The following DOCK3 variants were observed in gnomAD, a reference collection of about 807,000 sequenced individuals.
The protein encoded by DOCK3 is dedicator of cytokinesis protein 3.
In DOCK3, 60 loss-of-function variants were observed where a neutral mutation model predicts 265.6. The observed-to-expected ratio is 0.23, with a 90% confidence interval of 0.18 to 0.28. DOCK3 has a LOEUF of 0.28. Among genes scored for constraint, DOCK3 ranks in the 10% least tolerant of loss-of-function variants. DOCK3 has a pLI of 1.00. For synonymous variants in DOCK3, 881 were observed against 938.0 expected (o/e 0.94, Z 1.11); for missense variants, 1,981 against 2,594.3 (o/e 0.76, Z 5.14).
intron 5 of DOCK3, among the ~76,000 whole-genome samples, chr3:51,022,039 A>G (rs537157851): frequency 9.2e-5 from 14 of 152,348 alleles, no homozygotes; most frequent in Non-Finnish European, 1.9e-4. Context: ...TTTCTCAGAA[A>G]TGTTTTAGTT....
Position 50,707,914 on chromosome 3 carries a change from T to C in DOCK3, c.37+32614T>C, listed in dbSNP as rs533567095. On this transcript the variant is annotated intron_variant, in intron 1 of 52. Transcript: ENST00000266037. ...AGGTGGGGTATGTGTGTTGTGGTGG[T>C]GGTGCAGTCTTGGCATGTTGATCCC... 5.5e-3 allele frequency among the ~76,000 whole-genome samples: 840 copies of C among 152,186 alleles called. 2 individuals carry two copies. Among genetic ancestry groups the C allele is most frequent in the Admixed American group, 9.6e-3 (147 of 15,282 alleles).
At chr3:51,025,819 G>T (rs2079790035) in intron 5 of DOCK3, among the ~76,000 whole-genome samples, 1 of 152,130 alleles carries the variant, frequency 6.6e-6, no homozygotes, top group African/African-American at 2.4e-5. Context: ...TATATTTTAT[G>T]CCACTTTCTA....
intron 4 of DOCK3, among the ~76,000 whole-genome samples, chr3:50,893,951 C>G (rs1311489889): frequency 7.9e-6 from 1 of 126,552 alleles, no homozygotes; most frequent in Non-Finnish European, 1.6e-5. Context: ...GGAAGGGGAA[C>G]ATCACACACC....
At chr3:50,922,594 C>T (rs984246926) in intron 4 of DOCK3, among the ~76,000 whole-genome samples, 1 of 152,182 alleles carries the variant, frequency 6.6e-6, no homozygotes, top group Non-Finnish European at 1.5e-5. Context: ...ATTGGAAATG[C>T]AGAAATCACC....
intron 2 of DOCK3, among the ~76,000 whole-genome samples, chr3:50,781,359 C>T (rs536957120): frequency 1.3e-5 from 2 of 150,630 alleles, no homozygotes; most frequent in East Asian, 3.9e-4. Context: ...CCTCGACCTC[C>T]TTGGGCTTAG....
intron 5 of DOCK3, among the ~76,000 whole-genome samples, chr3:50,986,370 T>C (rs1401625618): frequency 6.6e-6 from 1 of 152,242 alleles, no homozygotes; most frequent in African/African-American, 2.4e-5. Flanking sequence ...GCCTGTGACA[T>C]ACTTCTCCAA....
At chr3:50,970,720 A>T (rs1226527249) in intron 5 of DOCK3, among the ~76,000 whole-genome samples, 5 of 134,336 alleles carry the variant, frequency 3.7e-5, no homozygotes, top group South Asian at 2.3e-4. Context: ...CTTAGATCTC[A>T]TTGAGCCTTT....
chr3:50,691,140 C>G (rs1327951585), intron 1 of DOCK3, among the ~76,000 whole-genome samples: 2 of 151,662 alleles, frequency 1.3e-5, no homozygotes, highest in Non-Finnish European at 1.5e-5. Flanking sequence ...AAAAATTAGC[C>G]AGGTGTGGTG....
chr3:51,260,400 TC>T, intron 23 of DOCK3, 74 bp downstream of exon 23: 1 of 1,475,008 alleles, frequency 6.8e-7, no homozygotes, highest in Non-Finnish European at 9.0e-7. Flanking sequence ...CCTCTGGTTT[TC>T]AGAGATGAAG....
chr3:51,272,047 A>G (rs574248130), intron 24 of DOCK3, among the ~76,000 whole-genome samples: 1 of 152,286 alleles, frequency 6.6e-6, no homozygotes, highest in Non-Finnish European at 1.5e-5. Context: ...TCTGTCTTTC[A>G]CAAAGAACTT....
At chr3:51,369,196 A>G (rs901751117) in intron 49 of DOCK3, among the ~76,000 whole-genome samples, 1 of 152,264 alleles carries the variant, frequency 6.6e-6, no homozygotes, top group African/African-American at 2.4e-5. Context: ...AATGACTTTG[A>G]CAAGTTGAGA....
rs891047159 is a variant in DOCK3, at chr3:50,946,788, C to T, written c.315+12711C>T. 3.3e-5 allele frequency among the ~76,000 whole-genome samples: 5 copies of T among 152,190 alleles called. No individual in the cohort carries two copies. The East Asian group carries it at 5.8e-4, about 18-fold the overall frequency. On this transcript the variant is annotated intron_variant, in intron 5 of 52. Coordinates refer to ENST00000266037, the MANE Select transcript of DOCK3 (RefSeq NM_004947.5). ...GCATGCTCATTAGCCCATCGTCCTT[C>T]ATCCTTCTCTCTTTTTAGTTTTGGG...
At chr3:51,233,399 T>C (rs2078221527) in intron 19 of DOCK3, among the ~76,000 whole-genome samples, 1 of 151,976 alleles carries the variant, frequency 6.6e-6, no homozygotes, top group African/African-American at 2.4e-5. Flanking sequence ...GGAGTCTTCC[T>C]CTGTTGCCCA....
intron 5 of DOCK3, among the ~76,000 whole-genome samples, chr3:51,031,350 C>A (rs1364506481): frequency 6.6e-6 from 1 of 152,022 alleles, no homozygotes; most frequent in East Asian, 1.9e-4. Flanking sequence ...AAACTCTGGC[C>A]CATGATTATA....
At chr3:50,824,355 C>G (rs575894913) in intron 2 of DOCK3, among the ~76,000 whole-genome samples, 1 of 152,090 alleles carries the variant, frequency 6.6e-6, no homozygotes, top group Non-Finnish European at 1.5e-5. Flanking sequence ...GAAAAAGAAG[C>G]CTCAGGGTTT....
Position 51,354,892 on chromosome 3 carries a change from A to T in DOCK3, c.4118A>T (p.Tyr1373Phe). Residue 1373 changes from tyrosine to phenylalanine, a missense_variant, in exon 41 of 53, where the codon TAC (tyrosine) becomes TTC (phenylalanine). Tyr to Phe is a conservative substitution (Grantham distance 22, BLOSUM62 3). This residue lies in a region of DOCK3 where 1,357 missense variants were observed against 1,866.8 expected (regional missense o/e 0.73). Coordinates refer to ENST00000266037, the MANE Select transcript of DOCK3 (RefSeq NM_004947.5). ...KFPFFLRNKE[Y>F]VCRGHDYERL... ...TTCTGTTTGTGGCAGAACAAAGAAT[A>T]CGTGTGCCGTGGCCATGACTACGAG... 3.1e-6 allele frequency: 5 copies of T among 1,613,692 alleles called. No individual in the cohort carries two copies. Among genetic ancestry groups the T allele is most frequent in the Non-Finnish European group, 3.4e-6 (4 of 1,179,774 alleles).
intron 1 of DOCK3, among the ~76,000 whole-genome samples, chr3:50,707,775 T>C (rs921096233): frequency 3.9e-5 from 6 of 152,028 alleles, no homozygotes; most frequent in African/African-American, 1.4e-4. Context: ...CTGGGTGGTG[T>C]GCATGATGTT....
At chr3:50,902,214 T>A (rs532324441) in intron 4 of DOCK3, among the ~76,000 whole-genome samples, 1 of 152,244 alleles carries the variant, frequency 6.6e-6, no homozygotes, top group Non-Finnish European at 1.5e-5. Context: ...CAGTTTTTGC[T>A]TTTGTCGCAA....
chr3:50,784,087 C>T (rs1422811279), intron 2 of DOCK3, among the ~76,000 whole-genome samples: 3 of 152,088 alleles, frequency 2.0e-5, no homozygotes, highest in Non-Finnish European at 2.9e-5. Flanking sequence ...AGGTTGATCT[C>T]GAACTCCTGA....
Sources: gnomAD v4.1 joint callset for allele counts (sites outside exome capture counted in the v4.1 genomes callset) on GRCh38, gnomAD v4.1.1 for gene constraint, gnomAD v4.1.1 regional missense constraint, MANE v1.5 for transcripts, NCBI Gene and HGNC (gene_info 2026-07-23, HGNC 2026-07-21) for gene names.